The following WDR27 variants were observed in gnomAD, a reference collection of about 807,000 sequenced individuals.
WDR27 encodes the protein WD repeat-containing protein 27.
WDR27 carries 100 observed loss-of-function variants against 114.4 expected under a neutral mutation model. The ratio of observed to expected loss-of-function variants is 0.87; its 90% CI spans 0.74 to 1.03. WDR27 has a LOEUF of 1.03. Among genes scored for constraint, WDR27 ranks in the 50% least tolerant of loss-of-function variants. The pLI is 0.00. For missense variants in WDR27, 1,129 were observed against 1,092.9 expected, an observed-to-expected ratio of 1.03 and a Z score of -0.47; for synonymous variants, 449 against 423.1, an observed-to-expected ratio of 1.06 and a Z score of -0.75.
chr6:169,633,053 G>A lies in WDR27; in HGVS notation c.2117C>T (p.Ala706Val). ...NDFYSHIVLA[A>V]GRNRTVEVFD... ...CACTTCCACGGTCCTGTTCCGGCCA[G>A]CTGCGAGTACGATGTCTGCGATAAT... The change falls in exon 21 of 26, where the codon GCT becomes GTT. Residue 706 changes from alanine to valine, a missense_variant. Physicochemically the swap from Ala to Val is moderately conservative, Grantham distance 64 (BLOSUM62 0). Transcript: ENST00000448612. 6.3e-7 allele frequency: 1 copy of A among 1,585,406 alleles called. No homozygotes were observed. The highest frequency in any genetic ancestry group is 8.6e-7 in the Non-Finnish European group (1 of 1,157,282).
intron 18 of WDR27, 107 bp downstream of exon 18, chr6:169,638,432 C>CTTTTTTT: frequency 7.1e-7 from 1 of 1,408,214 alleles, no homozygotes; most frequent in Non-Finnish European, 9.5e-7. Flanking sequence ...AAACTCTTGG[C>CTTTTTTT]TTACGTCCCT....
intron 25 of WDR27, among the ~76,000 whole-genome samples, chr6:169,542,014 T>C (rs1796904041): frequency 6.6e-6 from 1 of 152,270 alleles, no homozygotes; most frequent in East Asian, 1.9e-4. Context: ...AAACTCTTCA[T>C]AGGAAAGGGG....
chr6:169,668,219 C>G, intron 4 of WDR27, 34 bp from the exon 5 acceptor site: 1 of 1,607,230 alleles, frequency 6.2e-7, no homozygotes, highest in Non-Finnish European at 8.5e-7. Flanking sequence ...TTCCTCTGTT[C>G]AAGCTGGAAT....
In WDR27 at chr6:169,457,407, A is replaced by G; in HGVS notation, c.*185T>C. 2 of 499,632 alleles carry G rather than the reference A, an allele frequency of 4.0e-6. No homozygotes were observed. The highest frequency in any genetic ancestry group is 7.2e-6 in the Non-Finnish European group (2 of 275,998). 30.9% of individuals were successfully genotyped at this position (499,632 alleles called of 1,614,324 possible). The stretch of plus-strand genomic sequence containing the variant: ...GATCCCTTTTGAGGAGCAGAAAGAC[A>G]TAAAACTCTGACATGGCACACACAG... On this transcript the variant is annotated 3_prime_UTR_variant, in exon 26 of 26. Transcript: ENST00000448612.
intron 1 of WDR27, among the ~76,000 whole-genome samples, chr6:169,697,165 C>T (rs1231512567): frequency 6.6e-6 from 1 of 151,994 alleles, no homozygotes; most frequent in Non-Finnish European, 1.5e-5. Flanking sequence ...CTCTTTATTC[C>T]AATATTATAA....
At chr6:169,436,816 A>C in the WDR27 span, among the ~76,000 whole-genome samples, 6 of 152,254 alleles carry the variant, frequency 3.9e-5, no homozygotes, top group South Asian at 4.2e-4. Flanking sequence ...AAAAAGACAA[A>C]AGGCATGTTG....
intron 14 of WDR27, among the ~76,000 whole-genome samples, chr6:169,651,201 GAGT>G (rs1822441470): frequency 8.3e-6 from 1 of 120,104 alleles, no homozygotes; most frequent in Non-Finnish European, 1.7e-5. Context: ...GGGAGTGGGG[GAGT>G]GGGGGAGTGG....
At chr6:169,627,012 G>A (rs1385149815) in intron 21 of WDR27, among the ~76,000 whole-genome samples, 1 of 152,176 alleles carries the variant, frequency 6.6e-6, no homozygotes, top group Admixed American at 6.5e-5. Context: ...TCCTGGTAAG[G>A]AGAGCAGAGT....
intron 25 of WDR27, among the ~76,000 whole-genome samples, chr6:169,494,045 T>C (rs1790105374): frequency 3.3e-5 from 5 of 152,240 alleles, no homozygotes; most frequent in Admixed American, 6.5e-5. Context: ...ATTTATTTAA[T>C]TGTTGTGTTT....
At chr6:169,701,199 T>C (rs945823651) in intron 1 of WDR27, among the ~76,000 whole-genome samples, 5 of 152,192 alleles carry the variant, frequency 3.3e-5, no homozygotes, top group African/African-American at 1.2e-4. Flanking sequence ...GATAAAATCC[T>C]GTGCATTTCC....
intron 22 of WDR27, among the ~76,000 whole-genome samples, chr6:169,611,022 C>T (rs1192010072): frequency 1.3e-5 from 2 of 152,110 alleles, no homozygotes; most frequent in African/African-American, 2.4e-5. Flanking sequence ...CCAAAAGCCA[C>T]TTGTACCCCA....
intron 23 of WDR27, among the ~76,000 whole-genome samples, chr6:169,586,813 C>T (rs1435265424): frequency 1.5e-5 from 2 of 129,034 alleles, no homozygotes; most frequent in Admixed American, 9.1e-5. Context: ...TGCACTACTG[C>T]ACTCCAGCCT....
At chr6:169,431,403 C>T in the WDR27 span, among the ~76,000 whole-genome samples, 4 of 152,260 alleles carry the variant, frequency 2.6e-5, no homozygotes, top group South Asian at 2.1e-4. Context: ...AACTACAACA[C>T]GCAGCCCCCA....
Position 169,548,136 on chromosome 6 carries a change from G to A in WDR27, c.2645+24283C>T, listed in dbSNP as rs571188359. Among the ~76,000 whole-genome samples, 11 of 152,060 alleles carry A rather than the reference G, an allele frequency of 7.2e-5. No individual in the cohort carries two copies. In the South Asian group the frequency reaches 1.2e-3, roughly 17 times the overall value. On this transcript the variant is annotated intron_variant, in intron 25 of 25. Coordinates refer to ENST00000448612, the MANE Select transcript of WDR27 (RefSeq NM_182552.5). The stretch of plus-strand genomic sequence containing the variant: ...TATAAATCTATCAAAATAAGTACAA[G>A]GTCTATATGAGGAAAATGACAAAAC...
chr6:169,586,105 C>T (rs1417860135), intron 23 of WDR27, among the ~76,000 whole-genome samples: 1 of 152,134 alleles, frequency 6.6e-6, no homozygotes, highest in Non-Finnish European at 1.5e-5. Context: ...TGTCTTCTTC[C>T]TCACTGTCTG....
At position 169,638,416 on chromosome 6, in the gene WDR27, T is replaced by G. The variant is rs1311643987; in HGVS notation, c.1869+123A>C. Reference sequence around the variant, plus strand: ...TTTTAATCAGTAACTTTTATTGCATTAAAGCAAACTCTTGGCTTACGTCCC... The same window carrying G: ...TTTTAATCAGTAACTTTTATTGCATGAAAGCAAACTCTTGGCTTACGTCCC... On this transcript the variant is annotated intron_variant, in intron 18 of 25. Transcript: ENST00000448612. 4 of 1,317,540 alleles carry G rather than the reference T, an allele frequency of 3.0e-6. No individual in the cohort carries two copies. In the East Asian group the frequency reaches 1.0e-4, roughly 35 times the overall value. The allele number at this position is 1,317,540 out of a possible 1,614,324, so 81.6% of individuals were successfully genotyped here.
At chr6:169,638,330 A>AG (rs1818215963) in intron 18 of WDR27, among the ~76,000 whole-genome samples, 1 of 135,274 alleles carries the variant, frequency 7.4e-6, no homozygotes, top group East Asian at 2.0e-4. Context: ...CTCAAAAAAA[A>AG]AAAAAAAAAA....
intron 25 of WDR27, among the ~76,000 whole-genome samples, chr6:169,500,227 AG>A (rs1790972004): frequency 6.6e-6 from 1 of 152,198 alleles, no homozygotes; most frequent in East Asian, 1.9e-4. Context: ...TTAGCTCACC[AG>A]TTTGGCCTAT....
intron 25 of WDR27, among the ~76,000 whole-genome samples, chr6:169,481,442 C>G (rs549865823): frequency 6.6e-6 from 1 of 152,338 alleles, no homozygotes; most frequent in East Asian, 1.9e-4. Flanking sequence ...ACAGCAGCAA[C>G]CTGCTCGGGT....
Sources: gnomAD v4.1 joint callset for allele counts (sites outside exome capture counted in the v4.1 genomes callset) on GRCh38, gnomAD v4.1.1 for gene constraint, MANE v1.5 for transcripts, NCBI Gene and HGNC (gene_info 2026-07-23, HGNC 2026-07-21) for gene names.